RANBP2: variants seen among roughly 807,000 people sequenced by gnomAD.
The protein encoded by RANBP2 is E3 SUMO-protein ligase RanBP2.
RANBP2 carries 57 observed loss-of-function variants against 303.6 expected under a neutral mutation model. The ratio of observed to expected loss-of-function variants is 0.19; its 90% CI spans 0.15 to 0.23. The LOEUF (loss-of-function observed/expected upper bound fraction) is 0.23. Among genes scored for constraint, RANBP2 ranks in the 10% least tolerant of loss-of-function variants. The probability of loss-of-function intolerance (pLI) is 1.00; values close to 1 mark genes in which losing one functional copy is unlikely to be tolerated. For synonymous variants in RANBP2, 1,167 were observed against 1,301.5 expected (o/e 0.90, Z 2.23); for missense variants, 3,138 against 3,780.8 (o/e 0.83, Z 4.46).
the RANBP2 span, among the ~76,000 whole-genome samples, chr2:109,086,582 C>T: frequency 6.6e-6 from 1 of 152,176 alleles, no homozygotes; most frequent in African/African-American, 2.4e-5. Context: ...CTTCCCTGCC[C>T]ATCGAGTGAG....
chr2:109,600,218 G>C, the RANBP2 span, among the ~76,000 whole-genome samples: 1 of 152,018 alleles, frequency 6.6e-6, no homozygotes, highest in African/African-American at 2.4e-5. Flanking sequence ...TTCCTTGCAC[G>C]GCTATTAAGA....
Position 108,758,462 on chromosome 2 carries a change from A to G in RANBP2, c.2516A>G (p.His839Arg), listed in dbSNP as rs148449698. 1 of 1,611,656 alleles carries G rather than the reference A, an allele frequency of 6.2e-7. No individual in the cohort carries two copies. Among genetic ancestry groups the G allele is most frequent in the African/African-American group, 1.3e-5 (1 of 74,734 alleles). ...AATAGCAGTAACTCAGCATCCCCTC[A>G]TCGTTGGCCCACAGAGAATTATGGA... ...KLNSSNSASPHRWPTENYGPD... is the reference protein window; with the variant it reads ...KLNSSNSASPRRWPTENYGPD... The change falls in exon 18 of 29, where the codon CAT becomes CGT. Residue 839 changes from histidine (H) to arginine (R), a missense_variant. This residue lies in a region of RANBP2 where 194 missense variants were observed against 197.4 expected (regional missense o/e 0.98). Transcript: ENST00000283195.
chr2:109,761,307 A>G, the RANBP2 span, among the ~76,000 whole-genome samples: 2 of 149,708 alleles, frequency 1.3e-5, no homozygotes, highest in African/African-American at 4.9e-5. Flanking sequence ...GTGAACATCC[A>G]GGGCGGGAAA....
In RANBP2 at chr2:108,730,824, G is replaced by A; in HGVS notation, c.191G>A (p.Arg64Lys). Residue 64 changes from arginine to lysine, a missense_variant, in exon 3 of 29, where the codon AGA becomes AAA. Around this residue, in one of 20 missense-constraint regions of RANBP2, gnomAD observed 306 missense variants for 381.9 expected, o/e 0.80. Coordinates refer to ENST00000283195, the MANE Select transcript of RANBP2 (RefSeq NM_006267.5). ...CAAGAGAGGGATCCCAAAGCTCACA[G>A]ATTTCTGGGTCTTCTTTATGAATTG... Reference protein sequence around the residue: ...NVQERDPKAHRFLGLLYELEE... With the variant: ...NVQERDPKAHKFLGLLYELEE... The A allele has an allele frequency of 1.2e-6, 2 of 1,611,674 alleles. No individual in the cohort carries two copies. The highest frequency in any genetic ancestry group is 2.7e-5 in the African/African-American group (2 of 74,970).
chr2:109,617,870 T>C, the RANBP2 span: 1 of 159,346 alleles, frequency 6.3e-6, no homozygotes, highest in South Asian at 2.1e-4. Context: ...AATACAAAAA[T>C]TAGCCGAGCG....
At chr2:109,059,242 T>G in the RANBP2 span, among the ~76,000 whole-genome samples, 1 of 151,992 alleles carries the variant, frequency 6.6e-6, no homozygotes, top group East Asian at 1.9e-4. Context: ...GCCTAGAGAA[T>G]GTCAATCTAG....
chr2:108,941,891 G>A, the RANBP2 span, among the ~76,000 whole-genome samples: 14 of 152,062 alleles, frequency 9.2e-5, 1 homozygote, highest in East Asian at 5.8e-4. Context: ...GCCAGTGCCC[G>A]ACAGCAGGTG....
chr2:109,657,201 T>C, the RANBP2 span, among the ~76,000 whole-genome samples: 1 of 152,100 alleles, frequency 6.6e-6, no homozygotes, highest in African/African-American at 2.4e-5. Flanking sequence ...CCAGACACAC[T>C]TTGGGAGGCT....
the RANBP2 span, among the ~76,000 whole-genome samples, chr2:109,078,210 CGT>C: frequency 2.5e-3 from 92 of 36,624 alleles, 4 homozygotes; most frequent in African/African-American, 3.9e-3. Flanking sequence ...ATATATATAG[CGT>C]ATATATATAT....
chr2:108,816,057 A>G, the RANBP2 span: 36 of 1,613,220 alleles, frequency 2.2e-5, no homozygotes, highest in Admixed American at 3.3e-5. Context: ...AAAAACCACA[A>G]CTCAAATTTG....
chr2:109,688,296 T>C, the RANBP2 span, among the ~76,000 whole-genome samples: 1 of 152,176 alleles, frequency 6.6e-6, no homozygotes, highest in South Asian at 2.1e-4. Context: ...GACAAGCTGC[T>C]GTATAGACTG....
Position 108,775,941 on chromosome 2 carries a change from A to G in RANBP2, c.8497+5A>G, listed in dbSNP as rs1180502000. 6.2e-7 allele frequency: 1 copy of G among 1,602,720 alleles called. No homozygotes were observed. The highest frequency in any genetic ancestry group is 1.7e-5 in the Admixed American group (1 of 59,840). ...ATACAGATTCTACAAGCCAAGGTAAATCTTGATATATGTTTATCATGTGTT... is the reference window on the plus strand; with the variant it reads ...ATACAGATTCTACAAGCCAAGGTAAGTCTTGATATATGTTTATCATGTGTT... On this transcript the variant is annotated splice_donor_5th_base_variant and intron_variant, in intron 24 of 28. Transcript: ENST00000283195.
At chr2:108,794,711 T>C in the RANBP2 span, 2 of 1,610,758 alleles carry the variant, frequency 1.2e-6, no homozygotes, top group Admixed American at 3.4e-5. Flanking sequence ...CAGATACATC[T>C]GAAATTGCAG....
the RANBP2 span, among the ~76,000 whole-genome samples, chr2:109,498,171 C>G: frequency 4.5e-3 from 684 of 152,304 alleles, 5 homozygotes; most frequent in African/African-American, 0.015. Context: ...GCCTGCATGT[C>G]CCTGAGAGCA....
chr2:109,255,668 A>G, the RANBP2 span, among the ~76,000 whole-genome samples: 3 of 152,216 alleles, frequency 2.0e-5, no homozygotes, highest in African/African-American at 7.2e-5. Context: ...TTAAGTAAAG[A>G]AACTACTTAC....
the RANBP2 span, among the ~76,000 whole-genome samples, chr2:109,628,448 C>T: frequency 8.8e-4 from 133 of 151,800 alleles, 1 homozygote; most frequent in Middle Eastern, 6.8e-3. Flanking sequence ...GAGTGGAGAT[C>T]GCGCCACTGC....
the RANBP2 span, among the ~76,000 whole-genome samples, chr2:109,572,275 C>T: frequency 2.6e-5 from 4 of 152,044 alleles, no homozygotes; most frequent in African/African-American, 4.8e-5. Flanking sequence ...GGACTACTGG[C>T]GCATGCCACG....
At chr2:108,965,602 C>T in the RANBP2 span, among the ~76,000 whole-genome samples, 1 of 152,100 alleles carries the variant, frequency 6.6e-6, no homozygotes, top group Admixed American at 6.5e-5. Context: ...GCTCTACTGG[C>T]TTTGGGTCTT....
chr2:109,438,433 C>T, the RANBP2 span, among the ~76,000 whole-genome samples: 2 of 152,166 alleles, frequency 1.3e-5, no homozygotes, highest in Non-Finnish European at 2.9e-5. Flanking sequence ...GGTGGTGTAC[C>T]TGTCAAGCAG....
Sources: allele counts gnomAD v4.1 joint callset (sites outside exome capture counted in the v4.1 genomes callset), GRCh38; gene constraint gnomAD v4.1.1; regional missense constraint gnomAD v4.1.1; transcripts MANE v1.5; gene names NCBI Gene and HGNC (gene_info 2026-07-23, HGNC 2026-07-21).